NCOA1: variants seen among roughly 807,000 people sequenced by gnomAD.
NCOA1 encodes the protein nuclear receptor coactivator 1, also known as Hin-2 protein.
A neutral mutation model predicts 150.9 loss-of-function variants in NCOA1; 35 were observed. The ratio of observed to expected loss-of-function variants is 0.23; its 90% CI spans 0.18 to 0.31. The LOEUF is 0.31. Among genes scored for constraint, NCOA1 ranks in the 10% least tolerant of loss-of-function variants. NCOA1 has a pLI of 1.00. For synonymous variants in NCOA1, 590 were observed against 630.0 expected (o/e 0.94, Z 0.95); for missense variants, 1,491 against 1,749.3 (o/e 0.85, Z 2.63).
At chr2:24,622,317 T>A (rs557999712) in intron 3 of NCOA1, among the ~76,000 whole-genome samples, 1 of 152,178 alleles carries the variant, frequency 6.6e-6, no homozygotes, top group Non-Finnish European at 1.5e-5. Context: ...ACTGTACTTA[T>A]GCATTGTAAG....
At chr2:24,736,832 G>T (rs1287142942) in intron 17 of NCOA1, among the ~76,000 whole-genome samples, 2 of 152,180 alleles carry the variant, frequency 1.3e-5, no homozygotes, top group African/African-American at 4.8e-5. Flanking sequence ...AATGTCTTCA[G>T]ATATTGCCAG....
At chr2:24,718,147 G>T (rs772683235) in intron 14 of NCOA1, among the ~76,000 whole-genome samples, 1 of 151,998 alleles carries the variant, frequency 6.6e-6, no homozygotes, top group South Asian at 2.1e-4. Flanking sequence ...TGATCCACCC[G>T]CCTTGGCTTC....
intron 3 of NCOA1, among the ~76,000 whole-genome samples, chr2:24,635,912 G>A (rs1017727126): frequency 1.3e-5 from 2 of 152,140 alleles, no homozygotes; most frequent in Admixed American, 1.3e-4. Flanking sequence ...CATTTAATTT[G>A]GAGGGGCAGT....
intron 4 of NCOA1, among the ~76,000 whole-genome samples, chr2:24,653,333 A>C (rs1189600799): frequency 1.3e-5 from 2 of 152,126 alleles, no homozygotes; most frequent in African/African-American, 4.8e-5. Flanking sequence ...CAAAATTAGA[A>C]TATTCCCTAA....
rs70947837 is a variant in NCOA1 at position 24,690,651 on chromosome 2, CAAAAAAAAAAAAAA to C, written c.533-816_533-803del. Among the ~76,000 whole-genome samples, 12 of 38,434 alleles carry C rather than the reference CAAAAAAAAAAAAAA, an allele frequency of 3.1e-4. No homozygotes were observed. In the South Asian group the frequency reaches 7.1e-3, roughly 23 times the overall value. The allele number at this position is 38,434 out of a possible 152,430, so 25.2% of individuals were successfully genotyped here. ...TGGGTGACAAAGTGAGATTCCATCTCAAAAAAAAAAAAAAAAAAAAAAAAAAAGGCAGTGTTAAA... is the reference window on the plus strand; with the variant it reads ...TGGGTGACAAAGTGAGATTCCATCTCAAAAAAAAAAAAAGGCAGTGTTAAA... On this transcript the variant is annotated intron_variant, in intron 8 of 22. Coordinates refer to ENST00000348332, the MANE Select transcript of NCOA1 (RefSeq NM_003743.5).
chr2:24,743,005 A>G (rs1016699172), intron 19 of NCOA1, among the ~76,000 whole-genome samples: 4 of 152,148 alleles, frequency 2.6e-5, no homozygotes, highest in Non-Finnish European at 5.9e-5. Flanking sequence ...TTTCTTTGGC[A>G]CTGTCTTCCA....
In NCOA1 at chr2:24,682,971, T is replaced by C. The variant is rs376278973; in HGVS notation, c.375T>C (p.Phe125=). Reference sequence around the variant, plus strand: ...TGCAGGCTTTGGATGGATTTTTCTTTGTTGTGAACTGTGAAGGGAGAATTG... The same window carrying C: ...TGCAGGCTTTGGATGGATTTTTCTTCGTTGTGAACTGTGAAGGGAGAATTG... ...LLLEALDGFF[F]VVNCEGRIVF... Residue 125 remains phenylalanine (F), a synonymous_variant, in exon 8 of 23, where the codon TTT becomes TTC. Transcript: ENST00000348332. 1.3e-5 allele frequency: 20 copies of C among 1,591,964 alleles called. No individual in the cohort carries two copies. In the Middle Eastern group the frequency reaches 6.6e-4, roughly 53 times the overall value.
intron 22 of NCOA1, among the ~76,000 whole-genome samples, chr2:24,765,300 A>C (rs1186363680): frequency 6.6e-6 from 1 of 151,304 alleles, no homozygotes; most frequent in Non-Finnish European, 1.5e-5. Context: ...TCAGGAGATC[A>C]AGACCATCCT....
intron 1 of NCOA1, among the ~76,000 whole-genome samples, chr2:24,544,479 A>G (rs1665527482): frequency 6.6e-6 from 1 of 152,222 alleles, no homozygotes; most frequent in African/African-American, 2.4e-5. Flanking sequence ...GCGGTGGCTC[A>G]TGCCTGTAAC....
chr2:24,635,215 A>G (rs1310307543), intron 3 of NCOA1, among the ~76,000 whole-genome samples: 1 of 151,822 alleles, frequency 6.6e-6, no homozygotes, highest in Non-Finnish European at 1.5e-5. Context: ...TGTGTCACCT[A>G]TCTCTTGGTT....
rs76316963 is a variant in NCOA1 at position 24,706,407 on chromosome 2, T to C, written c.1098-161T>C. Among the ~76,000 whole-genome samples the C allele has an allele frequency of 3.8e-3, 581 of 152,302 alleles. 18 individuals are homozygous for C. In the East Asian group the frequency reaches 0.081, roughly 21 times the overall value. ...TATTTTACAGTAGTTTTTTCTTAAT[T>C]TAAGAAACTTTTTTCTTAATTTAAG... On this transcript the variant is annotated intron_variant, in intron 12 of 22. Transcript: ENST00000348332.
At chr2:24,673,994 A>C (rs929020965) in intron 7 of NCOA1, among the ~76,000 whole-genome samples, 2 of 151,800 alleles carry the variant, frequency 1.3e-5, no homozygotes, top group African/African-American at 4.8e-5. Context: ...TTACTGTGTA[A>C]TTTTCACCCC....
chr2:24,519,891 AAT>A (rs1277857170), intron 1 of NCOA1, among the ~76,000 whole-genome samples: 7 of 152,226 alleles, frequency 4.6e-5, no homozygotes, highest in Non-Finnish European at 1.0e-4. Context: ...TTAATTCCAG[AAT>A]ATATAGAGTT....
At chr2:24,616,580 A>G (rs1668880115) in intron 3 of NCOA1, among the ~76,000 whole-genome samples, 1 of 152,178 alleles carries the variant, frequency 6.6e-6, no homozygotes. Flanking sequence ...TTGGTCTTTA[A>G]AAATACCCCC....
At chr2:24,629,811 TACATAC>T (rs1476668900) in intron 3 of NCOA1, among the ~76,000 whole-genome samples, 30 of 98,268 alleles carry the variant, frequency 3.1e-4, no homozygotes, top group Middle Eastern at 5.2e-3. Context: ...TTAAGTAACA[TACATAC>T]ATATATATAT....
At chr2:24,601,490 C>T (rs1252072550) in intron 3 of NCOA1, among the ~76,000 whole-genome samples, 1 of 152,148 alleles carries the variant, frequency 6.6e-6, no homozygotes, top group Non-Finnish European at 1.5e-5. Context: ...GCTGGGATTA[C>T]AGCCATGAGC....
At chr2:24,519,748 G>A (rs1342587428) in intron 1 of NCOA1, among the ~76,000 whole-genome samples, 2 of 151,918 alleles carry the variant, frequency 1.3e-5, no homozygotes, top group Admixed American at 1.3e-4. Context: ...GATTGTTTGT[G>A]CCCAGAAGTT....
At chr2:24,643,328 G>C (rs1670315398) in intron 3 of NCOA1, among the ~76,000 whole-genome samples, 1 of 152,170 alleles carries the variant, frequency 6.6e-6, no homozygotes, top group South Asian at 2.1e-4. Context: ...CTCACCCAGT[G>C]TAATTCCTTT....
chr2:24,621,639 C>T (rs546107429), intron 3 of NCOA1, among the ~76,000 whole-genome samples: 61 of 151,590 alleles, frequency 4.0e-4, no homozygotes, highest in Admixed American at 6.6e-4. Flanking sequence ...CCACCATGCC[C>T]GGCTAATTTT....
Sources: gnomAD v4.1 joint callset for allele counts (sites outside exome capture counted in the v4.1 genomes callset) on GRCh38, gnomAD v4.1.1 for gene constraint, MANE v1.5 for transcripts, NCBI Gene and HGNC (gene_info 2026-07-23, HGNC 2026-07-21) for gene names.